DHX35: variants seen among roughly 807,000 people sequenced by gnomAD.
DHX35 encodes probable ATP-dependent RNA helicase DHX35.
A neutral mutation model predicts 99.6 loss-of-function variants in DHX35; 84 were observed. The ratio of observed to expected loss-of-function variants is 0.84; its 90% CI spans 0.71 to 1.01. DHX35 has a LOEUF of 1.01. Among genes scored for constraint, DHX35 ranks in the 50% least tolerant of loss-of-function variants. The probability of loss-of-function intolerance (pLI) is 0.00; values close to 1 mark genes in which losing one functional copy is unlikely to be tolerated. For synonymous variants in DHX35, 331 were observed against 316.2 expected (o/e 1.05, Z -0.50); for missense variants, 852 against 888.5 (o/e 0.96, Z 0.52).
chr20:38,982,493 A>G (rs1222701642), intron 3 of DHX35, among the ~76,000 whole-genome samples: 1 of 152,130 alleles, frequency 6.6e-6, no homozygotes, highest in Admixed American at 6.5e-5. Flanking sequence ...TTCCCTCCAC[A>G]TCCTGGTTGG....
chr20:38,980,307 C>G (rs182917327), intron 3 of DHX35, among the ~76,000 whole-genome samples: 1 of 152,278 alleles, frequency 6.6e-6, no homozygotes, highest in Admixed American at 6.5e-5. Flanking sequence ...AGCTTGAAGT[C>G]CAGGATACAG....
At chr20:39,034,348 A>G (rs1284746908) in intron 21 of DHX35, 31 bp downstream of exon 21, 1 of 1,527,284 alleles carries the variant, frequency 6.5e-7, no homozygotes, top group East Asian at 2.2e-5. Context: ...TGCCCCAGCC[A>G]CCTGTTCACA....
intron 20 of DHX35, 47 bp from the exon 21 acceptor site, chr20:39,034,159 G>A (rs369076700): frequency 1.8e-5 from 25 of 1,420,378 alleles, no homozygotes; most frequent in Non-Finnish European, 2.4e-5. Flanking sequence ...GTTCCTGACT[G>A]TCATCACAAG....
At chr20:39,037,029 T>C (rs1248118733) in intron 21 of DHX35, among the ~76,000 whole-genome samples, 1 of 152,158 alleles carries the variant, frequency 6.6e-6, no homozygotes, top group East Asian at 1.9e-4. Context: ...ATCACCACTG[T>C]TTTTCGGAAT....
At chr20:39,017,079 A>T (rs1403112273) in intron 14 of DHX35, among the ~76,000 whole-genome samples, 2 of 151,870 alleles carry the variant, frequency 1.3e-5, no homozygotes, top group African/African-American at 4.8e-5. Context: ...TTCTTTTGTT[A>T]CGTGTGCCCT....
At position 39,001,799 on chromosome 20, in the gene DHX35, G is replaced by A. The variant is rs201348651; in HGVS notation, c.712G>A (p.Val238Met). Reference sequence around the variant, plus strand: ...AAGGGATACATGTGTGATCCTTACAGTGGAAGGGAGAACATTTCCGGTGGA... The same window carrying A: ...AAGGGATACATGTGTGATCCTTACAATGGAAGGGAGAACATTTCCGGTGGA... ...PARDTCVILT[V>M]EGRTFPVDIF... Residue 238 changes from valine (V) to methionine (M), a missense_variant, in exon 9 of 22, where the codon GTG (valine) becomes ATG (methionine). Val to Met is a conservative substitution (Grantham distance 21). Coordinates refer to ENST00000252011, the MANE Select transcript of DHX35 (RefSeq NM_021931.4). 363 of 1,613,824 alleles carry A rather than the reference G, an allele frequency of 2.2e-4. No individual in the cohort carries two copies. The highest frequency in any genetic ancestry group is 3.0e-4 in the Non-Finnish European group (354 of 1,179,842).
chr20:38,988,686 T>G, intron 4 of DHX35, 127 bp from the exon 5 acceptor site: 1 of 1,315,434 alleles, frequency 7.6e-7, no homozygotes, highest in Non-Finnish European at 1.0e-6. Context: ...TAATAACTTG[T>G]CTCTTTTCAT....
At chr20:39,014,971 T>C in intron 14 of DHX35, 37 bp downstream of exon 14, 1 of 1,611,808 alleles carries the variant, frequency 6.2e-7, no homozygotes, top group Non-Finnish European at 8.5e-7. Context: ...TCTTATTATG[T>C]GTTGTCTTTT....
chr20:38,968,191 T>C lies in DHX35; in HGVS notation c.41-890T>C, dbSNP rs61258663. Reference sequence around the variant, plus strand: ...CTGGTCCTTGCTGGACCACGATGAATGATTGGTAGAGGAGTTGTAAGCGTG... The same window carrying C: ...CTGGTCCTTGCTGGACCACGATGAACGATTGGTAGAGGAGTTGTAAGCGTG... On this transcript the variant is annotated intron_variant, in intron 1 of 21. Coordinates refer to ENST00000252011, the MANE Select transcript of DHX35 (RefSeq NM_021931.4). Among the ~76,000 whole-genome samples, 999 of 152,232 alleles carry C rather than the reference T, an allele frequency of 6.6e-3. 11 individuals carry two copies. Among genetic ancestry groups the C allele is most frequent in the African/African-American group, 0.023 (947 of 41,538 alleles).
At chr20:39,010,901 G>C (rs1568746035) in intron 13 of DHX35, among the ~76,000 whole-genome samples, 1 of 152,030 alleles carries the variant, frequency 6.6e-6, no homozygotes, top group Non-Finnish European at 1.5e-5. Flanking sequence ...TGGGTCAAAG[G>C]GCCGTTGTCC....
rs754864984 is a variant in DHX35, at chr20:39,028,452, C to T, written c.1836C>T (p.Ser612=). Residue 612 remains serine, a synonymous_variant, in exon 19 of 22, where the codon TCC becomes TCT. Coordinates refer to ENST00000252011, the MANE Select transcript of DHX35 (RefSeq NM_021931.4). ...DPDLVLRCIV[S]GFFANAARFH... is the part of the protein sequence containing the mutation. ...ATCTGGTTCTGAGGTGCATTGTCTC[C>T]GGCTTCTTCGCCAATGCAGCGAGGT... is the stretch of plus-strand genomic sequence containing the variant. 42 of 1,614,100 alleles carry T rather than the reference C, an allele frequency of 2.6e-5. No individual in the cohort carries two copies. The highest frequency in any genetic ancestry group is 5.3e-5 in the African/African-American group (4 of 74,930).
At chr20:39,030,878 C>G (rs569349249) in intron 20 of DHX35, 103 bp downstream of exon 20, 8 of 1,325,246 alleles carry the variant, frequency 6.0e-6, no homozygotes, top group Non-Finnish European at 7.5e-6. Context: ...AATTGCTGCT[C>G]TGGGCCGGGC....
chr20:39,025,487 T>C, intron 18 of DHX35, 128 bp downstream of exon 18: 1 of 1,155,940 alleles, frequency 8.7e-7, no homozygotes, highest in Non-Finnish European at 1.2e-6. Flanking sequence ...GGTTTTATAT[T>C]TTGAGTTGCC....
rs148427263 is a variant in DHX35 at position 39,025,234 on chromosome 20, A to G, written c.1676A>G (p.Asn559Ser). The G allele has an allele frequency of 4.4e-5, 71 of 1,611,862 alleles. No individual in the cohort carries two copies. In the African/African-American group the frequency reaches 8.1e-4, roughly 18 times the overall value. ...TCTCTCTGGGTTGTTCTGTAGCACA[A>G]TAAGGACTCTAAATGGTGTCAGGAA... The part of the protein sequence containing the change: ...LNIYEAFIKH[N>S]KDSKWCQEHF... The change falls in exon 18 of 22, where the codon AAT becomes AGT. Residue 559 changes from asparagine to serine, a missense_variant. Transcript: ENST00000252011.
rs892521817 is a variant in DHX35 at position 39,016,425 on chromosome 20, G to A, written c.1402+1491G>A. Among the ~76,000 whole-genome samples, 3 of 152,266 alleles carry A rather than the reference G, an allele frequency of 2.0e-5. No individual in the cohort carries two copies. The Middle Eastern group carries it at 0.01, about 518-fold the overall frequency. On this transcript the variant is annotated intron_variant, in intron 14 of 21. Coordinates refer to ENST00000252011, the MANE Select transcript of DHX35 (RefSeq NM_021931.4). ...AAACCATAGCAGCTTCTTTCATTTAGTATCATGTTTCACAGGTTCCTTCAT... is the reference window on the plus strand; with the variant it reads ...AAACCATAGCAGCTTCTTTCATTTAATATCATGTTTCACAGGTTCCTTCAT...
intron 18 of DHX35, among the ~76,000 whole-genome samples, chr20:39,027,622 AACTT>A (rs2086978767): frequency 6.6e-6 from 1 of 152,222 alleles, no homozygotes; most frequent in African/African-American, 2.4e-5. Flanking sequence ...ACCTTTATGG[AACTT>A]ACTTACCAAC....
intron 6 of DHX35, among the ~76,000 whole-genome samples, chr20:38,992,046 A>G (rs2086347185): frequency 1.3e-5 from 2 of 152,110 alleles, no homozygotes; most frequent in African/African-American, 4.8e-5. Context: ...TCTGATTTTT[A>G]TGTGTTCTGT....
intron 11 of DHX35, 113 bp from the exon 12 acceptor site, chr20:39,006,033 C>T (rs1485359234): frequency 8.2e-7 from 1 of 1,225,450 alleles, no homozygotes; most frequent in Non-Finnish European, 1.2e-6. Context: ...TATTAAACTG[C>T]CTCTCACAGA....
intron 7 of DHX35, among the ~76,000 whole-genome samples, chr20:38,993,157 C>A (rs968555027): frequency 1.3e-5 from 2 of 152,206 alleles, no homozygotes; most frequent in Admixed American, 1.3e-4. Context: ...TTGAGTCAGA[C>A]TACCTGGGTT....
Sources: allele counts gnomAD v4.1 joint callset (sites outside exome capture counted in the v4.1 genomes callset), GRCh38; gene constraint gnomAD v4.1.1; transcripts MANE v1.5; gene names NCBI Gene and HGNC (gene_info 2026-07-23, HGNC 2026-07-21).